MAP10: variants seen among roughly 807,000 people sequenced by gnomAD.
MAP10 encodes microtubule associated protein 10.
A neutral mutation model predicts 6.3 loss-of-function variants in MAP10; 10 were observed. The observed-to-expected ratio is 1.58, with a 90% confidence interval of 0.98 to 2.69. The LOEUF (loss-of-function observed/expected upper bound fraction) is 2.69. Among genes scored for constraint, MAP10 ranks in the 30% most tolerant of loss-of-function variants. The pLI, the probability that MAP10 is intolerant of heterozygous loss-of-function variation, is 0.00. For synonymous variants in MAP10, 459 were observed against 429.3 expected (o/e 1.07, Z -0.86); for missense variants, 1,189 against 1,086.5 (o/e 1.09, Z -1.33).
In MAP10 at chr1:232,807,632, G is replaced by A. The variant is rs745328663; in HGVS notation, c.2183G>A (p.Ser728Asn). The change falls in exon 1 of 1, where the codon AGC becomes AAC. Residue 728 changes from serine (S) to asparagine (N), a missense_variant. By Grantham distance (46) the Ser-to-Asn change is conservative. Transcript: ENST00000418460. ...AGCAGAAGTTTCAAAGCTCATGATA[G>A]CAGTTCAAGGACAGAAAATCCAAAA... Reference protein sequence around the residue: ...DTSRSFKAHDSSSRTENPKHS... With the variant: ...DTSRSFKAHDNSSRTENPKHS... The A allele has an allele frequency of 2.5e-6, 4 of 1,610,050 alleles. No individual in the cohort carries two copies. In the Admixed American group the frequency reaches 6.7e-5, roughly 27 times the overall value.
In MAP10 at chr1:232,807,545, A is replaced by C; in HGVS notation, c.2096A>C (p.Lys699Thr). 6.2e-7 allele frequency: 1 copy of C among 1,613,364 alleles called. No homozygotes were observed. Residue 699 changes from lysine to threonine, a missense_variant, in exon 1 of 1, where the codon AAG becomes ACG. By Grantham distance (78) the Lys-to-Thr change is moderately conservative. Coordinates refer to ENST00000418460, the MANE Select transcript of MAP10 (RefSeq NM_019090.3). ...NSCYENISELKYSDDLSSPCY... is the reference protein window; with the variant it reads ...NSCYENISELTYSDDLSSPCY... Reference sequence around the variant, plus strand: ...TGCTATGAAAACATCTCAGAACTGAAGTATTCAGATGATTTGTCTAGCCCT... The same window carrying C: ...TGCTATGAAAACATCTCAGAACTGACGTATTCAGATGATTTGTCTAGCCCT...
chr1:232,807,970 G>GA, the MAP10 span: 1 of 1,612,738 alleles, frequency 6.2e-7, no homozygotes, highest in South Asian at 1.1e-5. Flanking sequence ...GAAATCTTTA[G>GA]AAAAAAGCCA....
Position 232,807,987 on chromosome 1 carries a change from A to G in MAP10, c.2538A>G (p.Pro846=). Residue 846 remains proline, a synonymous_variant, in exon 1 of 1, where the codon CCA becomes CCG. Coordinates refer to ENST00000418460, the MANE Select transcript of MAP10 (RefSeq NM_019090.3). ...SWKSLEKSQS[P]QTSQVSSYLP... is the part of the protein sequence containing the mutation. ...AATCTTTAGAAAAAAGCCAGTCACC[A>G]CAAACATCCCAGGTGAGTTCTTACC... The G allele has an allele frequency of 6.2e-7, 1 of 1,613,516 alleles. No homozygotes were observed. Among genetic ancestry groups the G allele is most frequent in the Middle Eastern group, 1.6e-4 (1 of 6,062 alleles).
the MAP10 span, chr1:232,806,848 A>T: frequency 8.1e-6 from 13 of 1,613,016 alleles, no homozygotes; most frequent in Non-Finnish European, 1.1e-5. Flanking sequence ...TCAGTATAAA[A>T]AGAACCAAAT....
At position 232,807,065 on chromosome 1, in the gene MAP10, C is replaced by G. The variant is rs1558361671; in HGVS notation, c.1616C>G (p.Pro539Arg). 1.2e-6 allele frequency: 2 copies of G among 1,612,394 alleles called. No homozygotes were observed. Among genetic ancestry groups the G allele is most frequent in the Non-Finnish European group, 1.7e-6 (2 of 1,179,454 alleles). ...ATGTTGGGTACAAAATTCAGAATTCCGTCATCCAAAGTTAAACTATTAAGC... is the reference window on the plus strand; with the variant it reads ...ATGTTGGGTACAAAATTCAGAATTCGGTCATCCAAAGTTAAACTATTAAGC... ...SQMLGTKFRI[P>R]SSKVKLLSSA... The change falls in exon 1 of 1, where the codon CCG (proline) becomes CGG (arginine). Residue 539 changes from proline to arginine, a missense_variant. Pro to Arg is a moderately radical substitution (Grantham distance 103). Coordinates refer to ENST00000418460, the MANE Select transcript of MAP10 (RefSeq NM_019090.3).
At position 232,806,975 on chromosome 1, in the gene MAP10, T is replaced by C. The variant is rs768591907; in HGVS notation, c.1526T>C (p.Leu509Pro). ...AATACACTAAGACTACGTTTAAAGC[T>C]GACAAATCCTGATATGTTGGTGGTA... is the stretch of plus-strand genomic sequence containing the variant. Reference protein sequence around the residue: ...LTNTLRLRLKLTNPDMLVVHE... With the variant: ...LTNTLRLRLKPTNPDMLVVHE... The change falls in exon 1 of 1, where the codon CTG becomes CCG. Residue 509 changes from leucine to proline, a missense_variant. Leu to Pro is a moderately conservative substitution (Grantham distance 98, BLOSUM62 -3). Coordinates refer to ENST00000418460, the MANE Select transcript of MAP10 (RefSeq NM_019090.3). The C allele has an allele frequency of 1.2e-6, 2 of 1,612,768 alleles. No homozygotes were observed. The highest frequency in any genetic ancestry group is 1.7e-6 in the Non-Finnish European group (2 of 1,179,604).
chr1:232,806,079 A>C lies in MAP10; in HGVS notation c.630A>C (p.Gln210His). ...GAGGAGGAGCGGAGGTCAGTCCCCA[A>C]ACCCAGCAGGAAAGACAGCAGCTGC... is the stretch of plus-strand genomic sequence containing the variant. ...RTGGGAEVSPQTQQERQQLQQ... is the reference protein window; with the variant it reads ...RTGGGAEVSPHTQQERQQLQQ... Residue 210 changes from glutamine (Q) to histidine (H), a missense_variant, in exon 1 of 1, where the codon CAA becomes CAC. Coordinates refer to ENST00000418460, the MANE Select transcript of MAP10 (RefSeq NM_019090.3). 6.2e-7 allele frequency: 1 copy of C among 1,613,998 alleles called. No individual in the cohort carries two copies. The highest frequency in any genetic ancestry group is 8.5e-7 in the Non-Finnish European group (1 of 1,179,890).
chr1:232,806,616 T>C lies in MAP10; in HGVS notation c.1167T>C (p.Ile389=). ...CATGTCAAACTGAACAAAATCGAAT[T>C]AATACAATAAGGCAGTTGCCTTTGT... ...NQTCQTEQNR[I]NTIRQLPLLN... is the part of the protein sequence containing the mutation. Residue 389 remains isoleucine (I), a synonymous_variant, in exon 1 of 1, where the codon ATT becomes ATC. Coordinates refer to ENST00000418460, the MANE Select transcript of MAP10 (RefSeq NM_019090.3). 1 of 1,613,856 alleles carries C rather than the reference T, an allele frequency of 6.2e-7. No individual in the cohort carries two copies. The highest frequency in any genetic ancestry group is 8.5e-7 in the Non-Finnish European group (1 of 1,179,810).
rs566966068 is a variant in MAP10, at chr1:232,807,353, T to C, written c.1904T>C (p.Ile635Thr). 239 of 1,613,902 alleles carry C rather than the reference T, an allele frequency of 1.5e-4. 3 individuals carry two copies. The South Asian group carries it at 2.3e-3, about 15-fold the overall frequency. ...IIPERLTPTN[I>T]LGGNVEMKIQ... The stretch of plus-strand genomic sequence containing the variant: ...CCAGAAAGGCTTACCCCTACAAATA[T>C]TCTGGGAGGAAATGTGGAAATGAAA... Residue 635 changes from isoleucine to threonine, a missense_variant, in exon 1 of 1, where the codon ATT (isoleucine) becomes ACT (threonine). Coordinates refer to ENST00000418460, the MANE Select transcript of MAP10 (RefSeq NM_019090.3).
At position 232,806,927 on chromosome 1, in the gene MAP10, G is replaced by A. The variant is rs1249206659; in HGVS notation, c.1478G>A (p.Gly493Glu). ...SGALHKRVPK[G>E]RLLYGLTNTL... ...GCCCTCCATAAAAGAGTTCCAAAAG[G>A]GAGGCTACTTTATGGCTTAACAAAT... The change falls in exon 1 of 1, where the codon GGG (glycine) becomes GAG (glutamate). Residue 493 changes from glycine (G) to glutamate (E), a missense_variant. By Grantham distance (98) the Gly-to-Glu change is moderately conservative. Transcript: ENST00000418460. 14 of 1,608,080 alleles carry A rather than the reference G, an allele frequency of 8.7e-6. No homozygotes were observed. The highest frequency in any genetic ancestry group is 1.7e-5 in the Admixed American group (1 of 58,696).
chr1:232,806,006 G>A lies in MAP10; in HGVS notation c.557G>A (p.Ser186Asn), dbSNP rs1224811130. The change falls in exon 1 of 1, where the codon AGC becomes AAC. Residue 186 changes from serine (S) to asparagine (N), a missense_variant. By Grantham distance (46) the Ser-to-Asn change is conservative. Coordinates refer to ENST00000418460, the MANE Select transcript of MAP10 (RefSeq NM_019090.3). ...GCCTACCGCCTGACTGACCTGGGAA[G>A]CCGCCTGCTGAGCCAACTTGAGCGG... ...ALAYRLTDLG[S>N]RLLSQLERPL... 2 of 1,613,842 alleles carry A rather than the reference G, an allele frequency of 1.2e-6. No individual in the cohort carries two copies. Among genetic ancestry groups the A allele is most frequent in the Non-Finnish European group, 1.7e-6 (2 of 1,179,852 alleles).
Position 232,806,821 on chromosome 1 carries a change from G to A in MAP10, c.1372G>A (p.Glu458Lys), listed in dbSNP as rs374691511. Residue 458 changes from glutamate (E) to lysine (K), a missense_variant, in exon 1 of 1, where the codon GAA becomes AAA. Transcript: ENST00000418460. ...KKDKRSVGGC[E>K]KSVSLQYKKN... The stretch of plus-strand genomic sequence containing the variant: ...GGATAAGCGTTCTGTGGGGGGATGT[G>A]AAAAGTCAGTGAGTCTTCAGTATAA... The A allele has an allele frequency of 2.2e-5, 35 of 1,613,068 alleles. No individual in the cohort carries two copies. The African/African-American group carries it at 4.1e-4, about 19-fold the overall frequency.
At position 232,808,131 on chromosome 1, in the gene MAP10, A is replaced by G. The variant is rs1666140405; in HGVS notation, c.2682A>G (p.Glu894=). 1 of 1,581,294 alleles carries G rather than the reference A, an allele frequency of 6.3e-7. No individual in the cohort carries two copies. Among genetic ancestry groups the G allele is most frequent in the East Asian group, 2.3e-5 (1 of 44,192 alleles). The change falls in exon 1 of 1, where the codon GAA becomes GAG. Residue 894 remains glutamate, a synonymous_variant. Coordinates refer to ENST00000418460, the MANE Select transcript of MAP10 (RefSeq NM_019090.3). The part of the protein sequence containing the change: ...NISKQCKDIC[E]LVINKLPGYT... ...CCAAGCAATGCAAAGATATTTGTGA[A>G]TTAGTAATAAATAAACTTCCAGGAT...
At chr1:232,806,396 CT>C in the MAP10 span, 5 of 1,613,804 alleles carry the variant, frequency 3.1e-6, no homozygotes, top group Admixed American at 8.3e-5. Flanking sequence ...AAACCGCCCC[CT>C]GCACAGGCTA....
rs928815546 is a variant in MAP10, at chr1:232,807,134, A to G, written c.1685A>G (p.Tyr562Cys). ...AAGCCACAACTGCCTGAAGATAAGT[A>G]TTTAGATTCAGATGCATCTTTCACT... The part of the protein sequence containing the change: ...SQKPQLPEDK[Y>C]LDSDASFTEN... The change falls in exon 1 of 1, where the codon TAT (tyrosine) becomes TGT (cysteine). Residue 562 changes from tyrosine to cysteine, a missense_variant. Tyr to Cys is a radical substitution (Grantham distance 194, BLOSUM62 -2). Coordinates refer to ENST00000418460, the MANE Select transcript of MAP10 (RefSeq NM_019090.3). 10 of 1,612,088 alleles carry G rather than the reference A, an allele frequency of 6.2e-6. No homozygotes were observed. The highest frequency in any genetic ancestry group is 1.3e-5 in the African/African-American group (1 of 74,906).
chr1:232,807,466 G>A lies in MAP10; in HGVS notation c.2017G>A (p.Asp673Asn), dbSNP rs1558361929. 3 of 1,613,702 alleles carry A rather than the reference G, an allele frequency of 1.9e-6. No homozygotes were observed. The highest frequency in any genetic ancestry group is 1.7e-5 in the Admixed American group (1 of 59,996). Residue 673 changes from aspartate (D) to asparagine (N), a missense_variant, in exon 1 of 1, where the codon GAT (aspartate) becomes AAT (asparagine). Physicochemically the swap from Asp to Asn is conservative, Grantham distance 23 (BLOSUM62 1). Coordinates refer to ENST00000418460, the MANE Select transcript of MAP10 (RefSeq NM_019090.3). ...EIDIRQVKTT[D>N]NDILMADISD... ...AGATATTAGACAGGTCAAAACCACAGATAATGACATTCTTATGGCTGATAT... is the reference window on the plus strand; with the variant it reads ...AGATATTAGACAGGTCAAAACCACAAATAATGACATTCTTATGGCTGATAT...
At position 232,805,968 on chromosome 1, in the gene MAP10, G is replaced by A; in HGVS notation, c.519G>A (p.Gly173=). 6.2e-7 allele frequency: 1 copy of A among 1,613,396 alleles called. No homozygotes were observed. Among genetic ancestry groups the A allele is most frequent in the South Asian group, 1.1e-5 (1 of 91,042 alleles). The change falls in exon 1 of 1, where the codon GGG becomes GGA. Residue 173 remains glycine, a synonymous_variant. Transcript: ENST00000418460. ...ATAATCGAGTGGGCGAGCGGACTGG[G>A]GACATTGCACTGGCCTACCGCCTGA... ...PLHNRVGERT[G]DIALAYRLTD... is the part of the protein sequence containing the mutation.
In MAP10 at chr1:232,806,149, C is replaced by T. The variant is rs768032447; in HGVS notation, c.700C>T (p.Leu234=). Reference sequence around the variant, plus strand: ...AAGCCCAAAAGAGGCTGATAAGCCGCTGGGGGAGTTAGAAATCCCAGAGGC... The same window carrying T: ...AAGCCCAAAAGAGGCTGATAAGCCGTTGGGGGAGTTAGAAATCCCAGAGGC... ...QPSPKEADKP[L]GELEIPEAQK... Residue 234 remains leucine (L), a synonymous_variant, in exon 1 of 1, where the codon CTG becomes TTG. Coordinates refer to ENST00000418460, the MANE Select transcript of MAP10 (RefSeq NM_019090.3). 26 of 1,613,916 alleles carry T rather than the reference C, an allele frequency of 1.6e-5. No individual in the cohort carries two copies. In the Middle Eastern group the frequency reaches 4.9e-4, roughly 31 times the overall value.
chr1:232,806,496 G>T lies in MAP10; in HGVS notation c.1047G>T (p.Arg349Ser). The T allele has an allele frequency of 6.2e-7, 1 of 1,613,898 alleles. No individual in the cohort carries two copies. Among genetic ancestry groups the T allele is most frequent in the Non-Finnish European group, 8.5e-7 (1 of 1,179,884 alleles). Reference sequence around the variant, plus strand: ...AGCGTGTAAATCCCCCAGCACACAGGAGTTGTCTAAAGCATCCAAGTTCTG... The same window carrying T: ...AGCGTGTAAATCCCCCAGCACACAGTAGTTGTCTAAAGCATCCAAGTTCTG... ...EKKRVNPPAH[R>S]SCLKHPSSAA... The change falls in exon 1 of 1, where the codon AGG becomes AGT. Residue 349 changes from arginine (R) to serine (S), a missense_variant. Transcript: ENST00000418460.
Sources: allele counts gnomAD v4.1 joint callset, GRCh38; gene constraint gnomAD v4.1.1; transcripts MANE v1.5; gene names NCBI Gene and HGNC (gene_info 2026-07-23, HGNC 2026-07-21).